TRAF3: variants seen among roughly 807,000 people sequenced by gnomAD.
The protein encoded by TRAF3 is TNF receptor-associated factor 3.
TRAF3 carries 13 observed loss-of-function variants against 62.3 expected under a neutral mutation model. The observed-to-expected ratio is 0.21, with a 90% CI of 0.14 to 0.33. TRAF3 has a LOEUF of 0.33. Ranked by LOEUF, TRAF3 falls within the 10% of genes least tolerant of loss-of-function variation. TRAF3 has a pLI of 1.00. For synonymous variants in TRAF3, 269 were observed against 283.4 expected, an observed-to-expected ratio of 0.95 and a Z score of 0.51; for missense variants, 440 against 741.8, an observed-to-expected ratio of 0.59 and a Z score of 4.73.
chr14:102,895,488 C>T (rs1595405380), intron 9 of TRAF3, among the ~76,000 whole-genome samples: 1 of 152,156 alleles, frequency 6.6e-6, no homozygotes, highest in African/African-American at 2.4e-5. Context: ...GGTTTTGTGC[C>T]GAGATGCCCT....
intron 6 of TRAF3, among the ~76,000 whole-genome samples, chr14:102,876,897 C>T (rs768027776): frequency 3.4e-5 from 5 of 149,008 alleles, no homozygotes; most frequent in Non-Finnish European, 5.9e-5. Context: ...GTAGATAATC[C>T]GTTCCACAGG....
intron 1 of TRAF3, among the ~76,000 whole-genome samples, chr14:102,795,596 A>ATGTGTGTGTGTGTGTGTGTG (rs1189667975): frequency 9.3e-5 from 12 of 129,246 alleles, no homozygotes; most frequent in South Asian, 6.9e-4. Context: ...TGATATGTAT[A>ATGTGTGTGTGTGTGTGTGTG]TATGTGTGTG....
chr14:102,860,507 C>T (rs890044835), intron 2 of TRAF3, among the ~76,000 whole-genome samples: 5 of 152,126 alleles, frequency 3.3e-5, no homozygotes, highest in Admixed American at 1.3e-4. Context: ...TTTAAAAAGT[C>T]GTTTTAAATA....
In TRAF3 at chr14:102,792,113, C is replaced by CTTTT. The variant is rs35895214; in HGVS notation, c.-157+14462_-157+14465dup. Among the ~76,000 whole-genome samples, 349 of 97,692 alleles carry CTTTT rather than the reference C, an allele frequency of 3.6e-3. 99 individuals carry two copies. Among genetic ancestry groups the CTTTT allele is most frequent in the Non-Finnish European group, 4.4e-3 (220 of 49,678 alleles). The allele number at this position is 97,692 out of a possible 152,430, so 64.1% of individuals were successfully genotyped here. ...ACAGGTGCGAGCCACTGTGCCTGGA[C>CTTTT]TTTTTTTTTTTTTTTTTTTTTTTTT... is the stretch of plus-strand genomic sequence containing the variant. On this transcript the variant is annotated intron_variant, in intron 1 of 11. Coordinates refer to ENST00000392745, the MANE Select transcript of TRAF3 (RefSeq NM_145725.3).
chr14:102,814,516 T>C (rs561340406), intron 1 of TRAF3, among the ~76,000 whole-genome samples: 59 of 152,284 alleles, frequency 3.9e-4, no homozygotes, highest in Middle Eastern at 6.8e-3. Flanking sequence ...TTTAATTATC[T>C]TGATTTCTTT....
intron 2 of TRAF3, among the ~76,000 whole-genome samples, chr14:102,841,675 C>A (rs754050767): frequency 6.6e-6 from 1 of 151,846 alleles, no homozygotes. Flanking sequence ...AAACTAGCAC[C>A]CAAAAATGTA....
At chr14:102,898,942 C>G (rs1484007665) in intron 10 of TRAF3, among the ~76,000 whole-genome samples, 1 of 152,216 alleles carries the variant, frequency 6.6e-6, no homozygotes, top group East Asian at 1.9e-4. Context: ...GTCAGTGTCC[C>G]TTGACCTGTG....
intron 6 of TRAF3, among the ~76,000 whole-genome samples, chr14:102,885,582 T>C (rs1465515835): frequency 1.3e-5 from 2 of 152,180 alleles, no homozygotes; most frequent in Non-Finnish European, 2.9e-5. Flanking sequence ...AAGGTGAAGT[T>C]TGTGCTATTA....
At chr14:102,778,253 C>A (rs1897114203) in intron 1 of TRAF3, among the ~76,000 whole-genome samples, 1 of 151,682 alleles carries the variant, frequency 6.6e-6, no homozygotes, top group African/African-American at 2.4e-5. Flanking sequence ...GCCGGCGACT[C>A]CCGGGGCACC....
chr14:102,827,740 C>T lies in TRAF3; in HGVS notation c.-156-2594C>T, dbSNP rs540867620. Among the ~76,000 whole-genome samples the T allele has an allele frequency of 4.8e-4, 73 of 152,336 alleles. 1 individual carries two copies. In the South Asian group the frequency reaches 0.013, roughly 27 times the overall value. ...TGAAAACCAAAGGTCATTTACTAAG[C>T]GTGCTACTATTTCAGAAGCCTCTTT... On this transcript the variant is annotated intron_variant, in intron 1 of 11. Transcript: ENST00000392745.
intron 1 of TRAF3, among the ~76,000 whole-genome samples, chr14:102,799,329 G>A (rs12147254): frequency 0.24 from 35,905 of 152,122 alleles, 5,198 homozygotes; most frequent in South Asian, 0.45. Flanking sequence ...TTAGCATCTC[G>A]TGAGCATAAT....
At chr14:102,820,355 C>CT (rs769279538) in intron 1 of TRAF3, among the ~76,000 whole-genome samples, 2 of 151,960 alleles carry the variant, frequency 1.3e-5, no homozygotes, top group Non-Finnish European at 1.5e-5. Flanking sequence ...ACTTCCTAAC[C>CT]TTCTGCACTT....
At chr14:102,820,545 A>G (rs1175480852) in intron 1 of TRAF3, among the ~76,000 whole-genome samples, 3 of 127,664 alleles carry the variant, frequency 2.3e-5, no homozygotes, top group Non-Finnish European at 4.8e-5. Context: ...CATTTTAAAA[A>G]TTTATTTGCT....
At chr14:102,808,818 T>G (rs1011933759) in intron 1 of TRAF3, among the ~76,000 whole-genome samples, 1 of 151,996 alleles carries the variant, frequency 6.6e-6, no homozygotes, top group Non-Finnish European at 1.5e-5. Context: ...TGGTGATAGA[T>G]TGACTTTTTT....
intron 1 of TRAF3, among the ~76,000 whole-genome samples, chr14:102,784,945 G>T: frequency 6.6e-6 from 1 of 152,168 alleles, no homozygotes; most frequent in South Asian, 2.1e-4. Context: ...TACAGGAAAA[G>T]GCACCCGGCC....
chr14:102,831,741 T>G (rs1189340215), intron 2 of TRAF3, among the ~76,000 whole-genome samples: 1 of 152,232 alleles, frequency 6.6e-6, no homozygotes, highest in Admixed American at 6.5e-5. Flanking sequence ...TTAGAGGGTT[T>G]GTTTTCCCTT....
At chr14:102,837,142 G>GTGT (rs1555370326) in intron 2 of TRAF3, among the ~76,000 whole-genome samples, 5 of 130,930 alleles carry the variant, frequency 3.8e-5, no homozygotes, top group African/African-American at 1.1e-4. Flanking sequence ...GTGTGTGTGT[G>GTGT]TTTTTTTTGG....
chr14:102,843,176 C>G (rs2139687616), intron 2 of TRAF3, among the ~76,000 whole-genome samples: 1 of 150,948 alleles, frequency 6.6e-6, no homozygotes, highest in African/African-American at 2.4e-5. Flanking sequence ...GCACTCTAGC[C>G]TGGGCGACAG....
intron 2 of TRAF3, among the ~76,000 whole-genome samples, chr14:102,847,642 A>G (rs1420206060): frequency 6.6e-6 from 1 of 152,166 alleles, no homozygotes; most frequent in Non-Finnish European, 1.5e-5. Context: ...GCTTCCATAT[A>G]TCTCCTTAAA....
Sources: allele counts gnomAD v4.1 joint callset (sites outside exome capture counted in the v4.1 genomes callset), GRCh38; gene constraint gnomAD v4.1.1; transcripts MANE v1.5; gene names NCBI Gene and HGNC (gene_info 2026-07-23, HGNC 2026-07-21).